ARHGAP42: variants seen among roughly 807,000 people sequenced by gnomAD.
The protein encoded by ARHGAP42 is rho GTPase-activating protein 42.
A neutral mutation model predicts 125.0 loss-of-function variants in ARHGAP42; 63 were observed. The observed-to-expected ratio is 0.50, with a 90% confidence interval of 0.41 to 0.62. The LOEUF (loss-of-function observed/expected upper bound fraction) is 0.62, where lower values mean the gene tolerates loss of function less well. Among genes scored for constraint, ARHGAP42 ranks in the 20% least tolerant of loss-of-function variants. ARHGAP42 has a pLI of 0.00. For synonymous variants in ARHGAP42, 339 were observed against 351.0 expected, an observed-to-expected ratio of 0.97 and a Z score of 0.38; for missense variants, 766 against 1,024.2, an observed-to-expected ratio of 0.75 and a Z score of 3.44.
At chr11:100,897,766 T>C (rs189626121) in intron 4 of ARHGAP42, among the ~76,000 whole-genome samples, 4 of 152,326 alleles carry the variant, frequency 2.6e-5, no homozygotes, top group Admixed American at 1.3e-4. Context: ...TTTCTAAGTA[T>C]ACAGTCATGT....
intron 4 of ARHGAP42, among the ~76,000 whole-genome samples, chr11:100,879,385 A>G (rs1397031121): frequency 6.6e-6 from 1 of 152,196 alleles, no homozygotes; most frequent in African/African-American, 2.4e-5. Flanking sequence ...ACTGTCAATC[A>G]GTTCCTTGCA....
intron 2 of ARHGAP42, among the ~76,000 whole-genome samples, chr11:100,791,678 A>G (rs1342416346): frequency 1.3e-5 from 2 of 152,032 alleles, no homozygotes; most frequent in Non-Finnish European, 2.9e-5. Flanking sequence ...CTTTCCCTGA[A>G]AAATCAACAA....
At chr11:100,939,960 A>T (rs1867832102) in intron 8 of ARHGAP42, among the ~76,000 whole-genome samples, 1 of 152,228 alleles carries the variant, frequency 6.6e-6, no homozygotes, top group Admixed American at 6.5e-5. Context: ...TAATGAAGTC[A>T]CTACATACGA....
intron 3 of ARHGAP42, among the ~76,000 whole-genome samples, chr11:100,804,589 G>A (rs1863945737): frequency 6.6e-6 from 1 of 150,626 alleles, no homozygotes; most frequent in Admixed American, 6.6e-5. Flanking sequence ...CTGCCACCTG[G>A]GCTGGAGTGC....
chr11:100,722,742 T>G (rs1861785262), intron 1 of ARHGAP42, among the ~76,000 whole-genome samples: 1 of 152,218 alleles, frequency 6.6e-6, no homozygotes, highest in African/African-American at 2.4e-5. Flanking sequence ...TTACTTCCAG[T>G]CTACAGCTTT....
chr11:100,944,076 T>C (rs1867953675), intron 10 of ARHGAP42, among the ~76,000 whole-genome samples: 1 of 152,074 alleles, frequency 6.6e-6, no homozygotes, highest in Non-Finnish European at 1.5e-5. Flanking sequence ...GTAGCATCAC[T>C]CAAAGCAGAA....
chr11:100,823,522 G>C (rs1864448328), intron 3 of ARHGAP42, among the ~76,000 whole-genome samples: 1 of 152,126 alleles, frequency 6.6e-6, no homozygotes, highest in South Asian at 2.1e-4. Flanking sequence ...ATATGGTTCA[G>C]TTTTATATTA....
At chr11:100,756,666 C>A (rs1450420439) in intron 1 of ARHGAP42, among the ~76,000 whole-genome samples, 1 of 152,144 alleles carries the variant, frequency 6.6e-6, no homozygotes, top group Admixed American at 6.5e-5. Flanking sequence ...CTTTTATTTG[C>A]AGTAAGATGA....
intron 2 of ARHGAP42, among the ~76,000 whole-genome samples, chr11:100,777,531 T>C (rs544195654): frequency 1.3e-5 from 2 of 152,300 alleles, no homozygotes; most frequent in South Asian, 2.1e-4. Flanking sequence ...AAAGGTAATA[T>C]TTGATTCTGT....
intron 3 of ARHGAP42, among the ~76,000 whole-genome samples, chr11:100,817,940 T>A (rs891923890): frequency 6.6e-6 from 1 of 152,226 alleles, no homozygotes; most frequent in South Asian, 2.1e-4. Flanking sequence ...CACAATGTTA[T>A]CAGAGTTTTA....
intron 22 of ARHGAP42, among the ~76,000 whole-genome samples, chr11:100,981,426 CTG>C (rs58286594): frequency 0.11 from 16,118 of 152,176 alleles, 1,053 homozygotes; most frequent in Non-Finnish European, 0.13. Flanking sequence ...TCTACAATGC[CTG>C]TCTCATTTTT....
At chr11:100,912,758 C>G (rs930501521) in intron 4 of ARHGAP42, among the ~76,000 whole-genome samples, 1 of 152,136 alleles carries the variant, frequency 6.6e-6, no homozygotes, top group Non-Finnish European at 1.5e-5. Flanking sequence ...TTCCCCCTCC[C>G]AGTTGTTCCC....
intron 3 of ARHGAP42, among the ~76,000 whole-genome samples, chr11:100,838,327 TAAGTCCTTTGTGAGTA>T (rs1864864240): frequency 6.6e-6 from 1 of 152,154 alleles, no homozygotes; most frequent in Admixed American, 6.6e-5. Context: ...TTGAAATTAG[TAAGTCCTTTGTGAGTA>T]AAGACAATGT....
At chr11:100,943,053 A>C (rs1252833597) in intron 9 of ARHGAP42, among the ~76,000 whole-genome samples, 1 of 152,050 alleles carries the variant, frequency 6.6e-6, no homozygotes, top group Non-Finnish European at 1.5e-5. Context: ...ATTCCTATGA[A>C]TGTGGCCTAT....
intron 4 of ARHGAP42, among the ~76,000 whole-genome samples, chr11:100,878,007 A>C (rs1047162270): frequency 2.0e-5 from 2 of 101,246 alleles, no homozygotes; most frequent in Non-Finnish European, 4.1e-5. Context: ...TCTGTCCCAG[A>C]AAAAAAAAAA....
At chr11:100,728,750 A>G (rs2120297254) in intron 1 of ARHGAP42, among the ~76,000 whole-genome samples, 1 of 119,426 alleles carries the variant, frequency 8.4e-6, no homozygotes, top group South Asian at 2.7e-4. Flanking sequence ...ATATATATAT[A>G]TATATATGCA....
intron 16 of ARHGAP42, among the ~76,000 whole-genome samples, chr11:100,965,303 A>G (rs1846437090): frequency 6.6e-6 from 1 of 152,284 alleles, no homozygotes; most frequent in African/African-American, 2.4e-5. Context: ...TGACTGGCAC[A>G]TTAGGCAGTC....
chr11:100,704,896 T>G (rs1236066039), intron 1 of ARHGAP42, among the ~76,000 whole-genome samples: 1 of 151,162 alleles, frequency 6.6e-6, no homozygotes, highest in East Asian at 1.9e-4. Context: ...GAGGATCGCT[T>G]GAGCCCAGGA....
At chr11:100,832,982 A>G (rs1864697109) in intron 3 of ARHGAP42, among the ~76,000 whole-genome samples, 1 of 152,224 alleles carries the variant, frequency 6.6e-6, no homozygotes, top group South Asian at 2.1e-4. Flanking sequence ...GCTTGGCATC[A>G]CAGGCGACTA....
Sources: allele counts gnomAD v4.1 joint callset (sites outside exome capture counted in the v4.1 genomes callset), GRCh38; gene constraint gnomAD v4.1.1; transcripts MANE v1.5; gene names NCBI Gene and HGNC (gene_info 2026-07-23, HGNC 2026-07-21).